The following RBFOX1 variants were observed in gnomAD, a reference collection of about 807,000 sequenced individuals.
The protein encoded by RBFOX1 is RNA binding protein fox-1 homolog 1.
In RBFOX1, 8 loss-of-function variants were observed where a neutral mutation model predicts 57.7. That is an observed-to-expected ratio of 0.14 (90% CI 0.08 to 0.25). The LOEUF (loss-of-function observed/expected upper bound fraction) is 0.25, where lower values mean the gene tolerates loss of function less well. RBFOX1 is among the 10% of genes least tolerant of loss of function. The probability of loss-of-function intolerance (pLI) is 1.00; values close to 1 mark genes in which losing one functional copy is unlikely to be tolerated. For synonymous variants in RBFOX1, 326 were observed against 222.4 expected (o/e 1.47, Z -4.15); for missense variants, 611 against 548.5 (o/e 1.11, Z -1.14).
chr16:6,565,662 G>A (rs1369369416), intron 2 of RBFOX1, among the ~76,000 whole-genome samples: 2 of 151,712 alleles, frequency 1.3e-5, no homozygotes, highest in Non-Finnish European at 2.9e-5. Context: ...AGAGACGGGG[G>A]TTTCACCATG....
At chr16:6,263,666 A>G (rs939203018) in intron 1 of RBFOX1, among the ~76,000 whole-genome samples, 3 of 151,990 alleles carry the variant, frequency 2.0e-5, no homozygotes, top group Non-Finnish European at 4.4e-5. Context: ...CTCCTTTCCT[A>G]GTTGGCATGG....
At chr16:6,624,338 C>T (rs916078207) in intron 2 of RBFOX1, among the ~76,000 whole-genome samples, 20 of 151,994 alleles carry the variant, frequency 1.3e-4, no homozygotes, top group Non-Finnish European at 2.8e-4. Context: ...TGTCCCTTGC[C>T]TACTTTAAAT....
intron 3 of RBFOX1, among the ~76,000 whole-genome samples, chr16:6,871,317 C>A (rs1381393532): frequency 6.6e-6 from 1 of 152,132 alleles, no homozygotes; most frequent in Non-Finnish European, 1.5e-5. Context: ...TCCTGAGTAG[C>A]TGGGATTACA....
At position 5,241,058 on chromosome 16, in the gene RBFOX1, A is replaced by T. The variant is rs536032972; in HGVS notation, c.219+953A>T. On this transcript the variant is annotated intron_variant, in intron 1 of 2. Coordinates refer to the RBFOX1 transcript ENST00000585867. ...CAGCTGAGCTTGTCTTAATAATTTG[A>T]TTCGTGGTTAATGAGCCCCACATGG... Among the ~76,000 whole-genome samples, 5 of 152,268 alleles carry T rather than the reference A, an allele frequency of 3.3e-5. No individual in the cohort carries two copies. The South Asian group carries it at 1.0e-3, about 32-fold the overall frequency.
intron 2 of RBFOX1, among the ~76,000 whole-genome samples, chr16:6,653,071 C>T (rs1283562403): frequency 1.3e-5 from 2 of 152,124 alleles, no homozygotes; most frequent in Non-Finnish European, 2.9e-5. Flanking sequence ...CAGTGCATTT[C>T]CCCCTTGGGG....
intron 3 of RBFOX1, among the ~76,000 whole-genome samples, chr16:7,014,448 T>C (rs981563643): frequency 1.3e-5 from 2 of 151,910 alleles, no homozygotes; most frequent in African/African-American, 2.4e-5. Flanking sequence ...GGTTTTACCA[T>C]GTTGGCCAGG....
chr16:7,058,018 A>AAAAAAC (rs2052997265), intron 4 of RBFOX1, among the ~76,000 whole-genome samples: 2 of 151,530 alleles, frequency 1.3e-5, no homozygotes, highest in Admixed American at 1.3e-4. Context: ...AAAAAAAAAA[A>AAAAAAC]AAAACACGAA....
At chr16:5,971,460 C>T (rs922694373) in intron 4 of RBFOX1, among the ~76,000 whole-genome samples, 1 of 151,960 alleles carries the variant, frequency 6.6e-6, no homozygotes, top group Non-Finnish European at 1.5e-5. Context: ...TTTTTTTCCC[C>T]CAAAGCTAAA....
chr16:6,573,773 T>G (rs138769516), intron 2 of RBFOX1: 1 of 152,188 alleles, frequency 6.6e-6, no homozygotes, highest in Non-Finnish European at 1.5e-5. Flanking sequence ...GGAGCCTGAA[T>G]GTCGCTGGCT....
chr16:6,860,006 G>C (rs1044120107), intron 3 of RBFOX1, among the ~76,000 whole-genome samples: 11 of 152,190 alleles, frequency 7.2e-5, no homozygotes, highest in Admixed American at 2.0e-4. Flanking sequence ...TGACTGTAAA[G>C]TGTAGGAGTT....
At chr16:7,100,930 T>C (rs1036256018) in intron 4 of RBFOX1, among the ~76,000 whole-genome samples, 1 of 152,210 alleles carries the variant, frequency 6.6e-6, no homozygotes, top group Non-Finnish European at 1.5e-5. Flanking sequence ...AAGGGATTTT[T>C]TTTAAGTGAA....
chr16:6,096,998 C>T (rs1191333108), intron 1 of RBFOX1, among the ~76,000 whole-genome samples: 1 of 152,100 alleles, frequency 6.6e-6, no homozygotes, highest in Non-Finnish European at 1.5e-5. Flanking sequence ...ATTGTAGCTC[C>T]CATAATTCCC....
At chr16:6,411,915 C>G (rs900054089) in intron 2 of RBFOX1, among the ~76,000 whole-genome samples, 3 of 152,008 alleles carry the variant, frequency 2.0e-5, no homozygotes, top group Admixed American at 6.6e-5. Flanking sequence ...GGTCGGCTTA[C>G]GAGGTCAGGA....
chr16:5,400,831 G>A (rs1456916071), intron 1 of RBFOX1, among the ~76,000 whole-genome samples: 1 of 152,092 alleles, frequency 6.6e-6, no homozygotes, highest in Non-Finnish European at 1.5e-5. Context: ...ACTTTGATAG[G>A]AGAGAAGTGG....
chr16:7,568,358 G>A (rs1419805315), intron 5 of RBFOX1, among the ~76,000 whole-genome samples: 2 of 152,254 alleles, frequency 1.3e-5, no homozygotes, highest in African/African-American at 4.8e-5. Flanking sequence ...ACCACATAGG[G>A]TAACCTCCTG....
At chr16:5,552,263 TC>T (rs754032597) in intron 2 of RBFOX1, among the ~76,000 whole-genome samples, 5 of 152,162 alleles carry the variant, frequency 3.3e-5, no homozygotes, top group Non-Finnish European at 5.9e-5. Context: ...TGGTTTATTA[TC>T]CATCCCTCCT....
At chr16:5,748,867 G>T (rs1274958472) in intron 3 of RBFOX1, among the ~76,000 whole-genome samples, 2 of 152,106 alleles carry the variant, frequency 1.3e-5, no homozygotes, top group African/African-American at 4.8e-5. Flanking sequence ...TTAGCCCATT[G>T]ACATTTAAGG....
intron 2 of RBFOX1, among the ~76,000 whole-genome samples, chr16:6,395,683 A>G (rs1378048354): frequency 6.6e-6 from 1 of 152,204 alleles, no homozygotes; most frequent in African/African-American, 2.4e-5. Context: ...TCAAGTTTAT[A>G]TCAATACCAT....
At chr16:7,413,176 C>T (rs2098446306) in intron 4 of RBFOX1, among the ~76,000 whole-genome samples, 1 of 152,276 alleles carries the variant, frequency 6.6e-6, no homozygotes, top group African/African-American at 2.4e-5. Flanking sequence ...CAATTCCTTT[C>T]ATAACACCAG....
Sources: gnomAD v4.1 joint callset for allele counts (sites outside exome capture counted in the v4.1 genomes callset) on GRCh38, gnomAD v4.1.1 for gene constraint, MANE v1.5 for transcripts, NCBI Gene and HGNC (gene_info 2026-07-23, HGNC 2026-07-21) for gene names.